The following GALNTL6 variants were observed in gnomAD, a reference collection of about 807,000 sequenced individuals.
The protein encoded by GALNTL6 is polypeptide N-acetylgalactosaminyltransferase-like 6.
Under a neutral mutation model 73.7 loss-of-function variants are expected in GALNTL6, and 46 were observed. The ratio of observed to expected loss-of-function variants is 0.62; its 90% CI spans 0.49 to 0.80. The LOEUF (loss-of-function observed/expected upper bound fraction) is 0.80, where lower values mean the gene tolerates loss of function less well. Ranked by LOEUF, GALNTL6 falls within the 30% of genes least tolerant of loss-of-function variation. The pLI is 0.00. For missense variants in GALNTL6, 604 were observed against 755.0 expected (o/e 0.80, Z 2.34); for synonymous variants, 259 against 263.7 (o/e 0.98, Z 0.17).
intron 8 of GALNTL6, among the ~76,000 whole-genome samples, chr4:172,909,243 A>T (rs1747069832): frequency 6.6e-6 from 1 of 151,848 alleles, no homozygotes; most frequent in Admixed American, 6.6e-5. Flanking sequence ...ATTAAAAATG[A>T]CAAAAAATAT....
intron 2 of GALNTL6, among the ~76,000 whole-genome samples, chr4:171,956,450 G>T (rs1325544853): frequency 1.3e-5 from 2 of 152,098 alleles, no homozygotes; most frequent in African/African-American, 4.8e-5. Flanking sequence ...ATATGACAGG[G>T]TTGATAAAAA....
intron 11 of GALNTL6, among the ~76,000 whole-genome samples, chr4:173,016,635 G>T (rs1041509763): frequency 6.6e-6 from 1 of 152,162 alleles, no homozygotes; most frequent in Non-Finnish European, 1.5e-5. Context: ...TACCCACATT[G>T]TATCTAGGAA....
intron 2 of GALNTL6, among the ~76,000 whole-genome samples, chr4:171,821,240 CTA>C (rs1334115519): frequency 6.6e-6 from 1 of 152,014 alleles, no homozygotes; most frequent in African/African-American, 2.4e-5. Context: ...CAAGGTCTCA[CTA>C]TGTTACCCAG....
At chr4:172,181,104 C>A (rs946554523) in intron 2 of GALNTL6, among the ~76,000 whole-genome samples, 4 of 152,088 alleles carry the variant, frequency 2.6e-5, no homozygotes, top group African/African-American at 9.7e-5. Context: ...AGGACTCCTC[C>A]CTAAATCATT....
At chr4:172,072,342 T>C (rs558992235) in intron 2 of GALNTL6, among the ~76,000 whole-genome samples, 1 of 152,188 alleles carries the variant, frequency 6.6e-6, no homozygotes, top group Admixed American at 6.5e-5. Context: ...GTCCTTAGGG[T>C]TTTTTTCTAC....
At chr4:172,824,743 A>G (rs1742143469) in intron 7 of GALNTL6, among the ~76,000 whole-genome samples, 1 of 152,114 alleles carries the variant, frequency 6.6e-6, no homozygotes, top group Admixed American at 6.5e-5. Flanking sequence ...GAAATGAGAG[A>G]ATTCCCTATC....
At position 172,671,375 on chromosome 4, in the gene GALNTL6, T is replaced by C. The variant is rs546038831; in HGVS notation, c.554-137986T>C. 5.3e-5 allele frequency among the ~76,000 whole-genome samples: 8 copies of C among 152,252 alleles called. No individual in the cohort carries two copies. The South Asian group carries it at 1.7e-3, about 32-fold the overall frequency. On this transcript the variant is annotated intron_variant, in intron 5 of 12. Transcript: ENST00000506823. The stretch of plus-strand genomic sequence containing the variant: ...TGTAGAGATGTTTCACCTCCCTAGT[T>C]AGCTGTATTCCTAGGTATTTTGTTT...
chr4:172,001,444 G>T (rs897030047), intron 2 of GALNTL6, among the ~76,000 whole-genome samples: 1 of 152,124 alleles, frequency 6.6e-6, no homozygotes, highest in Non-Finnish European at 1.5e-5. Context: ...GACAGAACTT[G>T]CTTCATGATA....
chr4:172,223,482 A>G (rs956663207), intron 2 of GALNTL6, among the ~76,000 whole-genome samples: 8 of 152,266 alleles, frequency 5.3e-5, no homozygotes, highest in East Asian at 1.9e-4. Flanking sequence ...CTCTTCAGTT[A>G]GAGAGTCTTT....
intron 9 of GALNTL6, among the ~76,000 whole-genome samples, chr4:172,940,535 G>GT (rs1179959892): frequency 2.6e-5 from 4 of 151,690 alleles, no homozygotes; most frequent in Non-Finnish European, 4.4e-5. Context: ...GCTAATTTTT[G>GT]TAATTTTAGT....
intron 5 of GALNTL6, among the ~76,000 whole-genome samples, chr4:172,630,061 A>T (rs1252997985): frequency 1.3e-5 from 2 of 152,170 alleles, no homozygotes; most frequent in African/African-American, 4.8e-5. Flanking sequence ...AATCCTCCTG[A>T]GACAATTTTT....
rs17057576 is a variant in GALNTL6 at position 171,934,778 on chromosome 4, A to C, written c.138+120060A>C. Among the ~76,000 whole-genome samples the C allele has an allele frequency of 0.017, 2,513 of 152,264 alleles. 127 individuals carry two copies. In the East Asian group the frequency reaches 0.2, roughly 12 times the overall value. On this transcript the variant is annotated intron_variant, in intron 2 of 12. Coordinates refer to ENST00000506823, the MANE Select transcript of GALNTL6 (RefSeq NM_001034845.3). ...TCATTTGGAAACTCTTAGAGCGAAAAGGCTAGAATACTACAGTTTCTGTTA... is the reference window on the plus strand; with the variant it reads ...TCATTTGGAAACTCTTAGAGCGAAACGGCTAGAATACTACAGTTTCTGTTA...
intron 5 of GALNTL6, among the ~76,000 whole-genome samples, chr4:172,492,385 A>C (rs2110750423): frequency 6.6e-6 from 1 of 152,304 alleles, no homozygotes; most frequent in East Asian, 1.9e-4. Flanking sequence ...AATCCAATTT[A>C]TCTCTATATT....
intron 2 of GALNTL6, among the ~76,000 whole-genome samples, chr4:172,010,908 G>T (rs1740986948): frequency 6.6e-6 from 1 of 152,058 alleles, no homozygotes; most frequent in Non-Finnish European, 1.5e-5. Context: ...AAGAAAATAA[G>T]ATTTGAGATG....
At chr4:172,692,353 G>C (rs1310757630) in intron 5 of GALNTL6, among the ~76,000 whole-genome samples, 1 of 151,706 alleles carries the variant, frequency 6.6e-6, no homozygotes, top group African/African-American at 2.4e-5. Flanking sequence ...ATTTTTTTTA[G>C]ATAGGTGAAA....
At chr4:172,882,247 A>G (rs987173424) in intron 7 of GALNTL6, among the ~76,000 whole-genome samples, 3 of 152,206 alleles carry the variant, frequency 2.0e-5, no homozygotes, top group African/African-American at 4.8e-5. Flanking sequence ...ACTTTGGCAC[A>G]TTAAACAACT....
intron 10 of GALNTL6, among the ~76,000 whole-genome samples, chr4:172,996,508 A>G (rs1751791876): frequency 6.6e-6 from 1 of 152,204 alleles, no homozygotes; most frequent in African/African-American, 2.4e-5. Flanking sequence ...TACCTATATG[A>G]CAAACCTGCA....
At chr4:171,921,831 G>A (rs1485186884) in intron 2 of GALNTL6, among the ~76,000 whole-genome samples, 3 of 151,916 alleles carry the variant, frequency 2.0e-5, no homozygotes. Context: ...AAAAAGTCCT[G>A]CTGGTTTATC....
At chr4:172,417,190 G>A (rs578231597) in intron 5 of GALNTL6, among the ~76,000 whole-genome samples, 83 of 152,140 alleles carry the variant, frequency 5.5e-4, no homozygotes, top group South Asian at 4.6e-3. Context: ...GTGTGTGTGT[G>A]TGTGAACCAA....
Sources: gnomAD v4.1 joint callset for allele counts (sites outside exome capture counted in the v4.1 genomes callset) on GRCh38, gnomAD v4.1.1 for gene constraint, MANE v1.5 for transcripts, NCBI Gene and HGNC (gene_info 2026-07-23, HGNC 2026-07-21) for gene names.